POSTN: variants seen among roughly 807,000 people sequenced by gnomAD.
POSTN encodes periostin.
A neutral mutation model predicts 104.5 loss-of-function variants in POSTN; 71 were observed. The observed-to-expected ratio is 0.68, with a 90% CI of 0.56 to 0.83. The LOEUF (loss-of-function observed/expected upper bound fraction) is 0.83, where lower values mean the gene tolerates loss of function less well. Among genes scored for constraint, POSTN ranks in the 40% least tolerant of loss-of-function variants. POSTN has a pLI of 0.00. For synonymous variants in POSTN, 355 were observed against 340.7 expected, an observed-to-expected ratio of 1.04 and a Z score of -0.46; for missense variants, 949 against 1,006.8, an observed-to-expected ratio of 0.94 and a Z score of 0.78.
rs776927839 is a variant in POSTN, at chr13:37,579,281, C to T, written c.1739G>A (p.Gly580Asp). ...TGTGGTCTTTAAAATGTTAGTAACA[C>T]CAGGTTCAAATCCTTTTCCAATGAA... ...GVFIGKGFEPGVTNILKTTQG... is the reference protein window; with the variant it reads ...GVFIGKGFEPDVTNILKTTQG... Residue 580 changes from glycine to aspartate, a missense_variant, in exon 13 of 23, where the codon GGT becomes GAT. Physicochemically the swap from Gly to Asp is moderately conservative, Grantham distance 94. Transcript: ENST00000379747. The T allele has an allele frequency of 3.1e-6, 5 of 1,608,080 alleles. No individual in the cohort carries two copies. The highest frequency in any genetic ancestry group is 3.4e-6 in the Non-Finnish European group (4 of 1,174,718).
chr13:37,570,699 A>T, intron 18 of POSTN, 30 bp from the exon 19 acceptor site: 6 of 1,331,708 alleles, frequency 4.5e-6, no homozygotes, highest in South Asian at 1.2e-5. Flanking sequence ...AATGCATTTG[A>T]TTTACCCTCA....
At chr13:37,569,653 G>T in intron 20 of POSTN, 91 bp downstream of exon 20, 1 of 1,002,402 alleles carries the variant, frequency 1.0e-6, no homozygotes. Context: ...AATAGATTGA[G>T]ATAGAGTAGA....
Position 37,582,402 on chromosome 13 carries a change from G to T in POSTN, c.1356C>A (p.Ile452=), listed in dbSNP as rs376743583. 1.2e-6 allele frequency: 2 copies of T among 1,613,710 alleles called. No individual in the cohort carries two copies. Among genetic ancestry groups the T allele is most frequent in the African/African-American group, 1.3e-5 (1 of 75,000 alleles). Residue 452 remains isoleucine (I), a synonymous_variant, in exon 10 of 23, where the codon ATC becomes ATA. Transcript: ENST00000379747. ...CGAAGACTCTGAGCTGTTTGCCTCCGATGGTTTCCAGTATTTGCCCGTTGT... is the reference window on the plus strand; with the variant it reads ...CGAAGACTCTGAGCTGTTTGCCTCCTATGGTTTCCAGTATTTGCCCGTTGT... ...ELYNGQILET[I]GGKQLRVFVY...
At chr13:37,576,845 T>G (rs569989926) in intron 16 of POSTN, among the ~76,000 whole-genome samples, 1 of 152,182 alleles carries the variant, frequency 6.6e-6, no homozygotes, top group East Asian at 1.9e-4. Flanking sequence ...GACATTTTGT[T>G]TTGCTCCTTA....
At chr13:37,573,875 A>G (rs185003052) in intron 17 of POSTN, among the ~76,000 whole-genome samples, 2 of 151,710 alleles carry the variant, frequency 1.3e-5, no homozygotes, top group Admixed American at 6.6e-5. Context: ...GGGAGTAGAG[A>G]GAAAAGTAAC....
chr13:37,578,055 T>C (rs544798624), intron 15 of POSTN, among the ~76,000 whole-genome samples: 9 of 152,144 alleles, frequency 5.9e-5, no homozygotes, highest in Non-Finnish European at 1.5e-5. Context: ...TGAAACACAA[T>C]TTTATGTTTC....
chr13:37,575,517 T>C (rs923043288), intron 16 of POSTN, among the ~76,000 whole-genome samples: 1 of 152,102 alleles, frequency 6.6e-6, no homozygotes, highest in African/African-American at 2.4e-5. Flanking sequence ...TGACTTTGGT[T>C]GTACTGATTA....
At position 37,590,426 on chromosome 13, in the gene POSTN, C is replaced by T. The variant is rs570147343; in HGVS notation, c.387G>A (p.Lys129=). 3.4e-4 allele frequency: 542 copies of T among 1,611,200 alleles called. No individual in the cohort carries two copies. In the South Asian group the frequency reaches 5.6e-3, roughly 17 times the overall value. The change falls in exon 4 of 23, where the codon AAG becomes AAA. Residue 129 remains lysine (K), a synonymous_variant. Transcript: ENST00000379747. ...TCGGTGCAAAGTAAGTGAAGGATCCCTTTCCCTCGATCTCCTCCCTCAGTT... is the reference window on the plus strand; with the variant it reads ...TCGGTGCAAAGTAAGTGAAGGATCCTTTTCCCTCGATCTCCTCCCTCAGTT... The part of the protein sequence containing the change: ...ASKLREEIEG[K]GSFTYFAPSN...
rs1405565282 is a variant in POSTN at position 37,590,277 on chromosome 13, A to G, written c.441+95T>C. 5.0e-6 allele frequency: 5 copies of G among 1,005,370 alleles called. No individual in the cohort carries two copies. The African/African-American group carries it at 6.5e-5, about 13-fold the overall frequency. 62.3% of individuals were successfully genotyped at this position (1,005,370 alleles called of 1,614,324 possible). A position where few individuals can be genotyped will look rare whatever the true frequency, so the allele number is the denominator to read the frequency against. Reference sequence around the variant, plus strand: ...TCTCATATATGTACAATAGAAAGATATAAAATTTCTACTAATATCCAAGTT... The same window carrying G: ...TCTCATATATGTACAATAGAAAGATGTAAAATTTCTACTAATATCCAAGTT... On this transcript the variant is annotated intron_variant, in intron 4 of 22. Coordinates refer to ENST00000379747, the MANE Select transcript of POSTN (RefSeq NM_006475.3).
intron 16 of POSTN, among the ~76,000 whole-genome samples, chr13:37,576,886 A>G (rs1004836017): frequency 1.3e-5 from 2 of 152,080 alleles, no homozygotes; most frequent in Non-Finnish European, 2.9e-5. Context: ...CATATCTAGT[A>G]TAAATCTTAA....
intron 4 of POSTN, among the ~76,000 whole-genome samples, chr13:37,588,725 G>A (rs1950833826): frequency 6.6e-6 from 1 of 152,102 alleles, no homozygotes; most frequent in Non-Finnish European, 1.5e-5. Context: ...TGTCCAGTTT[G>A]GTTAATACAC....
intron 14 of POSTN, 42 bp downstream of exon 14, chr13:37,578,977 A>G (rs1484410181): frequency 6.3e-7 from 1 of 1,594,226 alleles, no homozygotes; most frequent in Non-Finnish European, 8.5e-7. Context: ...GGTTCATATT[A>G]AAAAAAGACT....
At position 37,580,660 on chromosome 13, in the gene POSTN, C is replaced by T. The variant is rs961922405; in HGVS notation, c.1430G>A (p.Ser477Asn). The T allele has an allele frequency of 8.7e-6, 14 of 1,613,964 alleles. No individual in the cohort carries two copies. The Admixed American group carries it at 2.0e-4, about 23-fold the overall frequency. Reference protein sequence around the residue: ...CIENSCMEKGSKQGRNGAIHI... With the variant: ...CIENSCMEKGNKQGRNGAIHI... ...AATCGCACCGTTTCTCCCTTGCTTACTCCCTTTCTCCATGCATGAATTTTC... is the reference window on the plus strand; with the variant it reads ...AATCGCACCGTTTCTCCCTTGCTTATTCCCTTTCTCCATGCATGAATTTTC... Residue 477 changes from serine (S) to asparagine (N), a missense_variant, in exon 11 of 23, where the codon AGT (serine) becomes AAT (asparagine). By Grantham distance (46) the Ser-to-Asn change is conservative (BLOSUM62 1). Coordinates refer to ENST00000379747, the MANE Select transcript of POSTN (RefSeq NM_006475.3).
intron 20 of POSTN, 86 bp from the exon 21 acceptor site, chr13:37,569,469 C>T (rs1251397185): frequency 8.4e-6 from 9 of 1,072,836 alleles, no homozygotes; most frequent in African/African-American, 1.6e-5. Flanking sequence ...ATGGCATCTG[C>T]CCAATAATGA....
chr13:37,565,905 G>A (rs1950087229), intron 21 of POSTN, among the ~76,000 whole-genome samples: 1 of 152,164 alleles, frequency 6.6e-6, no homozygotes, highest in African/African-American at 2.4e-5. Context: ...TTTAATTGGT[G>A]TGCAGGCACA....
intron 8 of POSTN, 92 bp downstream of exon 8, chr13:37,584,624 T>C (rs753778233): frequency 3.7e-6 from 4 of 1,070,236 alleles, no homozygotes; most frequent in African/African-American, 1.6e-5. Context: ...ATACTGCACA[T>C]TCATTTTTCA....
rs191448487 is a variant in POSTN at position 37,580,609 on chromosome 13, G to A, written c.1481C>T (p.Pro494Leu). 6 of 1,613,872 alleles carry A rather than the reference G, an allele frequency of 3.7e-6. No individual in the cohort carries two copies. The African/African-American group carries it at 6.7e-5, about 18-fold the overall frequency. ...CTTTTCATGGAGGGATTTCTCTGCT[G>A]GCTTGATGATCTCGCGGAATATGTG... ...AIHIFREIIKPAEKSLHEKLK... is the reference protein window; with the variant it reads ...AIHIFREIIKLAEKSLHEKLK... Residue 494 changes from proline (P) to leucine (L), a missense_variant, in exon 11 of 23, where the codon CCA becomes CTA. Transcript: ENST00000379747.
intron 2 of POSTN, among the ~76,000 whole-genome samples, chr13:37,592,801 C>A (rs1219475549): frequency 7.9e-5 from 12 of 152,220 alleles, no homozygotes; most frequent in Non-Finnish European, 1.2e-4. Context: ...GCTATAATAT[C>A]TACTCACAGA....
intron 8 of POSTN, among the ~76,000 whole-genome samples, chr13:37,584,331 T>G (rs563577835): frequency 8.5e-5 from 13 of 152,360 alleles, no homozygotes; most frequent in South Asian, 4.1e-4. Flanking sequence ...TCTGTCTTCC[T>G]ACTACATGTT....
Sources: allele counts gnomAD v4.1 joint callset (sites outside exome capture counted in the v4.1 genomes callset), GRCh38; gene constraint gnomAD v4.1.1; transcripts MANE v1.5; gene names NCBI Gene and HGNC (gene_info 2026-07-23, HGNC 2026-07-21).